The following PEX5L variants were observed in gnomAD, a reference collection of about 807,000 sequenced individuals.
The protein encoded by PEX5L is PEX5-related protein.
Under a neutral mutation model 84.0 loss-of-function variants are expected in PEX5L, and 30 were observed. The ratio of observed to expected loss-of-function variants is 0.36; its 90% CI spans 0.27 to 0.48. PEX5L has a LOEUF of 0.48. Among genes scored for constraint, PEX5L ranks in the 20% least tolerant of loss-of-function variants. PEX5L has a pLI of 0.99. For synonymous variants in PEX5L, 270 were observed against 283.1 expected (o/e 0.95, Z 0.46); for missense variants, 533 against 754.6 (o/e 0.71, Z 3.44).
chr3:179,907,244 C>T (rs1424289652), intron 2 of PEX5L, among the ~76,000 whole-genome samples: 1 of 151,928 alleles, frequency 6.6e-6, no homozygotes, highest in Non-Finnish European at 1.5e-5. Flanking sequence ...GAATTTCATC[C>T]TCCTACTAAA....
intron 8 of PEX5L, among the ~76,000 whole-genome samples, chr3:179,851,777 G>A (rs1741996531): frequency 6.6e-6 from 1 of 152,180 alleles, no homozygotes; most frequent in African/African-American, 2.4e-5. Flanking sequence ...CCTTGGTGAA[G>A]GGCTGAATGT....
At chr3:179,885,373 G>A (rs561821288) in intron 4 of PEX5L, among the ~76,000 whole-genome samples, 24 of 152,242 alleles carry the variant, frequency 1.6e-4, no homozygotes, top group African/African-American at 4.8e-4. Context: ...TGGGCCAGGC[G>A]CGGTGGTTCA....
chr3:179,866,134 A>C (rs1748042909), intron 7 of PEX5L, among the ~76,000 whole-genome samples: 1 of 152,180 alleles, frequency 6.6e-6, no homozygotes, highest in Admixed American at 6.6e-5. Flanking sequence ...CTAGGTAAAG[A>C]GAGAGAAGAA....
chr3:179,872,468 T>C (rs1470704882), intron 7 of PEX5L, among the ~76,000 whole-genome samples: 3 of 152,246 alleles, frequency 2.0e-5, no homozygotes, highest in Non-Finnish European at 4.4e-5. Context: ...TTTGTCCAGA[T>C]AGAAAACTCT....
At chr3:179,844,693 G>C (rs371910329) in intron 8 of PEX5L, among the ~76,000 whole-genome samples, 18 of 152,260 alleles carry the variant, frequency 1.2e-4, no homozygotes, top group African/African-American at 4.1e-4. Context: ...AGCTGGGCTT[G>C]GTGGCAGGCG....
At chr3:179,941,609 C>T (rs1037196709) in intron 2 of PEX5L, among the ~76,000 whole-genome samples, 1 of 152,246 alleles carries the variant, frequency 6.6e-6, no homozygotes, top group East Asian at 1.9e-4. Flanking sequence ...CCAGTCTGTG[C>T]GATGCCAAAA....
At chr3:179,829,190 T>G (rs560309641) in intron 8 of PEX5L, among the ~76,000 whole-genome samples, 13 of 152,204 alleles carry the variant, frequency 8.5e-5, no homozygotes, top group Non-Finnish European at 1.8e-4. Flanking sequence ...TCTCCAAACC[T>G]TTTCCAATTT....
At position 179,819,767 on chromosome 3, in the gene PEX5L, G is replaced by C. The variant is rs1314744231; in HGVS notation, c.939+93C>G. The C allele has an allele frequency of 2.8e-6, 3 of 1,074,820 alleles. No individual in the cohort carries two copies. In the African/African-American group the frequency reaches 4.7e-5, roughly 17 times the overall value. The allele number at this position is 1,074,820 out of a possible 1,614,324, so 66.6% of individuals were successfully genotyped here. A position where few individuals can be genotyped will look rare whatever the true frequency, so the allele number is the denominator to read the frequency against. On this transcript the variant is annotated intron_variant, in intron 9 of 14. Transcript: ENST00000467460. The stretch of plus-strand genomic sequence containing the variant: ...ATTAAATTGTCTTTTTAATTACTGT[G>C]TTTTTGACAGAATAGCTATTGACTA...
At chr3:179,854,664 C>T (rs549690970) in intron 8 of PEX5L, among the ~76,000 whole-genome samples, 75 of 152,230 alleles carry the variant, frequency 4.9e-4, no homozygotes, top group African/African-American at 1.6e-3. Flanking sequence ...TGAAAAAAAG[C>T]GTTACCCATA....
chr3:179,811,032 C>G (rs764714053), intron 11 of PEX5L, among the ~76,000 whole-genome samples: 1 of 152,030 alleles, frequency 6.6e-6, no homozygotes, highest in African/African-American at 2.4e-5. Context: ...AGGGCCACAC[C>G]CCAGGCACCG....
At chr3:179,860,524 C>A (rs1460723032) in intron 7 of PEX5L, among the ~76,000 whole-genome samples, 1 of 152,192 alleles carries the variant, frequency 6.6e-6, no homozygotes, top group South Asian at 2.1e-4. Context: ...GTTTGAAAAG[C>A]GCCTCTGGTA....
Position 179,859,086 on chromosome 3 carries a change from A to G in PEX5L, c.798T>C (p.Phe266=), listed in dbSNP as rs1745070074. ...CCTCCACTGCTGCTTTTGCCCTTTC[A>G]AACTCTTCTTCTAAGGAGTGGTTTC... ...LSRNHSLEEE[F]ERAKAAVESD... The change falls in exon 8 of 15, where the codon TTT becomes TTC. Residue 266 remains phenylalanine, a synonymous_variant. Transcript: ENST00000467460. The G allele has an allele frequency of 6.2e-7, 1 of 1,613,848 alleles. No individual in the cohort carries two copies. Among genetic ancestry groups the G allele is most frequent in the Admixed American group, 1.7e-5 (1 of 60,028 alleles).
rs1432188156 is a variant in PEX5L at position 179,971,636 on chromosome 3, T to C, written c.51A>G (p.Leu17=). 2 of 1,608,022 alleles carry C rather than the reference T, an allele frequency of 1.2e-6. No individual in the cohort carries two copies. Among genetic ancestry groups the C allele is most frequent in the Admixed American group, 1.7e-5 (1 of 59,032 alleles). Residue 17 remains leucine, a synonymous_variant, in exon 2 of 15, where the codon CTA becomes CTG. Transcript: ENST00000467460. ...QKSKEQGYGK[L]SSDEDLEIIV... is the part of the protein sequence containing the mutation. ...TTATTTCGAGGTCTTCATCACTGCT[T>C]AGTTTTCCATATCCTTGTTCTTTAC...
intron 2 of PEX5L, among the ~76,000 whole-genome samples, chr3:179,967,383 C>T (rs1783605877): frequency 6.6e-6 from 1 of 152,026 alleles, no homozygotes; most frequent in South Asian, 2.1e-4. Context: ...AGTGGTGATG[C>T]CTAGCTAATT....
At position 179,828,651 on chromosome 3, in the gene PEX5L, TTAAC is replaced by T. The variant is rs1403679154; in HGVS notation, c.823-8679_823-8676del. 4.0e-5 allele frequency among the ~76,000 whole-genome samples: 6 copies of T among 151,836 alleles called. 1 individual carries two copies. The South Asian group carries it at 8.3e-4, about 21-fold the overall frequency. On this transcript the variant is annotated intron_variant, in intron 8 of 14. Coordinates refer to ENST00000467460, the MANE Select transcript of PEX5L (RefSeq NM_016559.3). ...GCAGTCTCCTAAATGTATTTTACCT[TTAAC>T]TATGTGTATGTGTGTGTGTGTGTGT...
chr3:180,005,715 C>T (rs922871871), intron 1 of PEX5L, among the ~76,000 whole-genome samples: 13 of 147,364 alleles, frequency 8.8e-5, no homozygotes, highest in Admixed American at 6.0e-4. Context: ...GGCGACAGAG[C>T]GAGACTCTGT....
chr3:179,900,401 T>C (rs1760888180), intron 2 of PEX5L, among the ~76,000 whole-genome samples: 1 of 152,186 alleles, frequency 6.6e-6, no homozygotes, highest in Admixed American at 6.6e-5. Flanking sequence ...TGTCAATTGA[T>C]AAGCATCTCA....
At chr3:179,838,616 G>A (rs944987115) in intron 8 of PEX5L, among the ~76,000 whole-genome samples, 1 of 152,102 alleles carries the variant, frequency 6.6e-6, no homozygotes, top group Non-Finnish European at 1.5e-5. Flanking sequence ...CAAGACTTGG[G>A]TTTGCATCTT....
At chr3:179,905,799 C>G (rs1023491975) in intron 2 of PEX5L, among the ~76,000 whole-genome samples, 1 of 152,110 alleles carries the variant, frequency 6.6e-6, no homozygotes, top group African/African-American at 2.4e-5. Context: ...TTGGCTGTGT[C>G]TCACTAATGA....
Sources: gnomAD v4.1 joint callset for allele counts (sites outside exome capture counted in the v4.1 genomes callset) on GRCh38, gnomAD v4.1.1 for gene constraint, MANE v1.5 for transcripts, NCBI Gene and HGNC (gene_info 2026-07-23, HGNC 2026-07-21) for gene names.